Variants in UNC13C observed in about 807,000 individuals in gnomAD.
UNC13C encodes the protein unc-13 homolog C.
In UNC13C, 174 loss-of-function variants were observed where a neutral mutation model predicts 245.4. The ratio of observed to expected loss-of-function variants is 0.71; its 90% CI spans 0.63 to 0.80. UNC13C has a LOEUF of 0.80. Ranked by LOEUF, UNC13C falls within the 30% of genes least tolerant of loss-of-function variation. The pLI, the probability that UNC13C is intolerant of heterozygous loss-of-function variation, is 0.00. For missense variants in UNC13C, 2,829 were observed against 2,602.9 expected, an observed-to-expected ratio of 1.09 and a Z score of -1.89; for synonymous variants, 992 against 895.1, an observed-to-expected ratio of 1.11 and a Z score of -1.93.
intron 4 of UNC13C, among the ~76,000 whole-genome samples, chr15:54,194,280 G>T (rs368660560): frequency 1.4e-4 from 21 of 152,210 alleles, no homozygotes; most frequent in Admixed American, 4.6e-4. Context: ...GGCAAATGCT[G>T]TTTTATCAAT....
intron 18 of UNC13C, among the ~76,000 whole-genome samples, chr15:54,401,461 C>T (rs1001821108): frequency 6.6e-6 from 1 of 152,108 alleles, no homozygotes; most frequent in Non-Finnish European, 1.5e-5. Flanking sequence ...ATAAGAGAAA[C>T]TAGGTTCACT....
At chr15:54,083,861 G>A (rs1251212050) in intron 2 of UNC13C, among the ~76,000 whole-genome samples, 1 of 152,162 alleles carries the variant, frequency 6.6e-6, no homozygotes, top group Non-Finnish European at 1.5e-5. Context: ...CAGGACAGTG[G>A]CCAATGATAG....
intron 25 of UNC13C, among the ~76,000 whole-genome samples, chr15:54,532,197 C>T (rs770777900): frequency 3.9e-5 from 6 of 152,080 alleles, no homozygotes; most frequent in Non-Finnish European, 8.8e-5. Context: ...TCCAATAGAC[C>T]CCACTGTGAG....
At chr15:54,580,686 T>A (rs1485087705) in intron 30 of UNC13C, among the ~76,000 whole-genome samples, 1 of 152,232 alleles carries the variant, frequency 6.6e-6, no homozygotes, top group Non-Finnish European at 1.5e-5. Flanking sequence ...TAAATGTTCA[T>A]CATTCTTATG....
At chr15:53,935,140 C>T in the UNC13C span, among the ~76,000 whole-genome samples, 2 of 135,362 alleles carry the variant, frequency 1.5e-5, no homozygotes, top group East Asian at 4.2e-4. Context: ...TTCTTAATTA[C>T]TTTTATCCTC....
At chr15:54,048,040 A>C (rs868057665) in intron 2 of UNC13C, among the ~76,000 whole-genome samples, 5 of 152,332 alleles carry the variant, frequency 3.3e-5, no homozygotes, top group Middle Eastern at 3.4e-3. Context: ...TTCTGAATGT[A>C]CTTTTACGTT....
intron 8 of UNC13C, among the ~76,000 whole-genome samples, chr15:54,255,293 G>A (rs11630328): frequency 0.15 from 23,113 of 152,076 alleles, 1,890 homozygotes; most frequent in African/African-American, 0.2. Flanking sequence ...TGGGCTTGGA[G>A]AATGAGTGCA....
intron 2 of UNC13C, among the ~76,000 whole-genome samples, chr15:54,017,045 A>T (rs1895693142): frequency 6.6e-6 from 1 of 152,204 alleles, no homozygotes; most frequent in South Asian, 2.1e-4. Context: ...AGATTATTGA[A>T]TAATCAGAAA....
chr15:53,851,718 C>T, the UNC13C span, among the ~76,000 whole-genome samples: 3 of 152,108 alleles, frequency 2.0e-5, no homozygotes, highest in African/African-American at 4.8e-5. Context: ...AGATCATGCC[C>T]TTTTTGTCCA....
At chr15:54,177,503 G>A (rs1393031776) in intron 4 of UNC13C, among the ~76,000 whole-genome samples, 28 of 152,116 alleles carry the variant, frequency 1.8e-4, no homozygotes, top group Non-Finnish European at 1.5e-5. Context: ...CAAGTCAGTA[G>A]TCTCTCTTCA....
At chr15:54,277,614 G>T (rs528119751) in intron 10 of UNC13C, among the ~76,000 whole-genome samples, 42 of 152,224 alleles carry the variant, frequency 2.8e-4, no homozygotes, top group African/African-American at 9.9e-4. Flanking sequence ...TCATCAAAAA[G>T]GAGACATTAA....
chr15:54,326,913 T>C (rs888962913), intron 14 of UNC13C, among the ~76,000 whole-genome samples: 1 of 152,004 alleles, frequency 6.6e-6, no homozygotes, highest in African/African-American at 2.4e-5. Flanking sequence ...ATTGGACATA[T>C]TAAAAGTATT....
chr15:53,873,911 CCTTCCTTCCTTT>C, the UNC13C span, among the ~76,000 whole-genome samples: 686 of 21,356 alleles, frequency 0.032, 32 homozygotes, highest in East Asian at 0.11. Flanking sequence ...TTCCTTCCTT[CCTTCCTTCCTTT>C]CTTCCTTCCT....
At chr15:54,099,469 A>C (rs1203733671) in intron 2 of UNC13C, among the ~76,000 whole-genome samples, 1 of 152,102 alleles carries the variant, frequency 6.6e-6, no homozygotes, top group Non-Finnish European at 1.5e-5. Context: ...TATTTCTTCA[A>C]TACATTTGCT....
chr15:53,997,841 T>C (rs897153435), intron 1 of UNC13C, among the ~76,000 whole-genome samples: 1 of 152,146 alleles, frequency 6.6e-6, no homozygotes, highest in Non-Finnish European at 1.5e-5. Context: ...CTCACTCTGT[T>C]GCCCAGGCTG....
intron 17 of UNC13C, among the ~76,000 whole-genome samples, chr15:54,377,661 G>A (rs1325536373): frequency 6.6e-6 from 1 of 152,106 alleles, no homozygotes; most frequent in Non-Finnish European, 1.5e-5. Context: ...TAGCAGATTT[G>A]GTGTCTGCTA....
intron 2 of UNC13C, among the ~76,000 whole-genome samples, chr15:54,071,582 G>C (rs1209957827): frequency 1.3e-5 from 2 of 151,946 alleles, no homozygotes; most frequent in Admixed American, 6.6e-5. Context: ...GCAAACAATG[G>C]TCTATGGGGC....
At chr15:54,243,468 C>T (rs1264795996) in intron 7 of UNC13C, among the ~76,000 whole-genome samples, 1 of 152,258 alleles carries the variant, frequency 6.6e-6, no homozygotes, top group Admixed American at 6.5e-5. Flanking sequence ...ATCTTTACAA[C>T]AGAATGATTT....
At chr15:54,613,261 A>C (rs1398644276) in intron 30 of UNC13C, among the ~76,000 whole-genome samples, 1 of 151,926 alleles carries the variant, frequency 6.6e-6, no homozygotes, top group Non-Finnish European at 1.5e-5. Context: ...AAACCTCCAA[A>C]AGATTTTGAA....
Sources: gnomAD v4.1 joint callset for allele counts (sites outside exome capture counted in the v4.1 genomes callset) on GRCh38, gnomAD v4.1.1 for gene constraint, MANE v1.5 for transcripts, NCBI Gene and HGNC (gene_info 2026-07-23, HGNC 2026-07-21) for gene names.